Variants in CTNNA3 observed in about 807,000 individuals in gnomAD.
CTNNA3 encodes catenin alpha 3.
Under a neutral mutation model 95.7 loss-of-function variants are expected in CTNNA3, and 76 were observed. That is an observed-to-expected ratio of 0.79 (90% CI 0.66 to 0.96). The LOEUF (loss-of-function observed/expected upper bound fraction) is 0.96. Ranked by LOEUF, CTNNA3 falls within the 40% of genes least tolerant of loss-of-function variation. The pLI, the probability that CTNNA3 is intolerant of heterozygous loss-of-function variation, is 0.00. For synonymous variants in CTNNA3, 431 were observed against 374.4 expected (o/e 1.15, Z -1.74); for missense variants, 1,191 against 1,089.8 (o/e 1.09, Z -1.31).
intron 5 of CTNNA3, among the ~76,000 whole-genome samples, chr10:67,313,928 G>A (rs1589155701): frequency 6.6e-6 from 1 of 152,244 alleles, no homozygotes; most frequent in East Asian, 1.9e-4. Context: ...ATGCCAAACT[G>A]AGAAAAAGAG....
intron 7 of CTNNA3, among the ~76,000 whole-genome samples, chr10:66,976,462 T>C (rs958374315): frequency 4.6e-5 from 7 of 152,168 alleles, no homozygotes; most frequent in Non-Finnish European, 1.0e-4. Context: ...CCTTCATCTC[T>C]TTTTCTATAG....
chr10:66,977,383 C>A lies in CTNNA3; in HGVS notation c.1048-201859G>T, dbSNP rs1385636186. 4.6e-5 allele frequency among the ~76,000 whole-genome samples: 7 copies of A among 151,716 alleles called. No homozygotes were observed. In the South Asian group the frequency reaches 8.3e-4, roughly 18 times the overall value. ...CCTGGGAAGCAGAGGTTGCAGTGAGCCAAGATCACGCCACTGCACTCCAGC... is the reference window on the plus strand; with the variant it reads ...CCTGGGAAGCAGAGGTTGCAGTGAGACAAGATCACGCCACTGCACTCCAGC... On this transcript the variant is annotated intron_variant, in intron 7 of 17. Coordinates refer to ENST00000433211, the MANE Select transcript of CTNNA3 (RefSeq NM_013266.4).
intron 17 of CTNNA3, among the ~76,000 whole-genome samples, chr10:65,947,347 T>A (rs2077534544): frequency 6.6e-6 from 1 of 152,190 alleles, no homozygotes; most frequent in Non-Finnish European, 1.5e-5. Flanking sequence ...AATATATCAG[T>A]GAATAATATC....
chr10:67,434,578 TG>T (rs1846235164), intron 5 of CTNNA3, among the ~76,000 whole-genome samples: 1 of 151,912 alleles, frequency 6.6e-6, no homozygotes, highest in African/African-American at 2.4e-5. Flanking sequence ...TCCATATATG[TG>T]TGTGTCTGTG....
intron 9 of CTNNA3, among the ~76,000 whole-genome samples, chr10:66,743,459 G>A (rs557476053): frequency 6.6e-6 from 1 of 152,208 alleles, no homozygotes; most frequent in Non-Finnish European, 1.5e-5. Context: ...CTGAAAATAT[G>A]AGACTTTATC....
intron 3 of CTNNA3, among the ~76,000 whole-genome samples, chr10:67,586,103 T>C (rs1199379451): frequency 2.0e-5 from 3 of 152,168 alleles, no homozygotes; most frequent in African/African-American, 7.2e-5. Context: ...AGGAGCATAA[T>C]GTTTAATTTC....
At chr10:66,227,972 A>ACAAG (rs1296056339) in intron 13 of CTNNA3, among the ~76,000 whole-genome samples, 4 of 152,064 alleles carry the variant, frequency 2.6e-5, no homozygotes, top group African/African-American at 9.7e-5. Context: ...GTTGTTCACA[A>ACAAG]TATTCTCTTG....
chr10:67,682,440 T>C (rs1840645845), intron 1 of CTNNA3, among the ~76,000 whole-genome samples: 1 of 152,134 alleles, frequency 6.6e-6, no homozygotes, highest in Non-Finnish European at 1.5e-5. Context: ...ACTATACTTA[T>C]AATTAATTAA....
intron 1 of CTNNA3, among the ~76,000 whole-genome samples, chr10:67,681,603 G>A (rs954501164): frequency 2.0e-5 from 3 of 151,814 alleles, no homozygotes; most frequent in African/African-American, 7.3e-5. Flanking sequence ...TAACTAAGTG[G>A]AAATTTTTAT....
At chr10:66,017,170 C>A (rs994061203) in intron 15 of CTNNA3, among the ~76,000 whole-genome samples, 6 of 152,146 alleles carry the variant, frequency 3.9e-5, no homozygotes, top group African/African-American at 1.4e-4. Flanking sequence ...CTAATCATTA[C>A]AATTACATTA....
At chr10:67,273,235 C>T (rs1054343926) in intron 5 of CTNNA3, among the ~76,000 whole-genome samples, 3 of 151,580 alleles carry the variant, frequency 2.0e-5, no homozygotes, top group Non-Finnish European at 2.9e-5. Context: ...CAATAGAAAG[C>T]GGGAAAAGAT....
At chr10:67,301,894 G>A (rs11814099) in intron 5 of CTNNA3, among the ~76,000 whole-genome samples, 13,072 of 132,324 alleles carry the variant, frequency 0.099, 1,173 homozygotes, top group East Asian at 0.24. Flanking sequence ...GCGTGAACCC[G>A]GGAGGCGGAG....
intron 12 of CTNNA3, among the ~76,000 whole-genome samples, chr10:66,372,000 T>C (rs1564906311): frequency 1.3e-5 from 2 of 152,176 alleles, no homozygotes; most frequent in South Asian, 2.1e-4. Flanking sequence ...AATGTTATGA[T>C]ACTGTTAGTG....
At chr10:66,619,171 G>A (rs539904748) in intron 10 of CTNNA3, among the ~76,000 whole-genome samples, 1 of 151,342 alleles carries the variant, frequency 6.6e-6, no homozygotes, top group African/African-American at 2.4e-5. Context: ...CAGGGATCTA[G>A]AACTAGAAAT....
chr10:67,112,008 C>A (rs1858932162), intron 7 of CTNNA3, among the ~76,000 whole-genome samples: 1 of 151,852 alleles, frequency 6.6e-6, no homozygotes, highest in South Asian at 2.1e-4. Flanking sequence ...AATTTTTAGC[C>A]TCCCAAAAAA....
At chr10:66,745,425 C>G (rs1045159370) in intron 9 of CTNNA3, among the ~76,000 whole-genome samples, 5 of 152,126 alleles carry the variant, frequency 3.3e-5, no homozygotes, top group African/African-American at 1.2e-4. Context: ...TGCAGAATAT[C>G]TAAAGGACTA....
At chr10:66,468,703 C>T (rs879032028) in intron 11 of CTNNA3, among the ~76,000 whole-genome samples, 8 of 151,762 alleles carry the variant, frequency 5.3e-5, no homozygotes, top group East Asian at 1.9e-4. Context: ...ACAATGTATA[C>T]GTATATCAAA....
At chr10:66,448,120 CAAT>C (rs1564973916) in intron 11 of CTNNA3, among the ~76,000 whole-genome samples, 1 of 152,190 alleles carries the variant, frequency 6.6e-6, no homozygotes, top group East Asian at 1.9e-4. Context: ...ATCAAAACCA[CAAT>C]GAGATACCAT....
At chr10:67,670,656 TC>T (rs1002211225) in intron 1 of CTNNA3, among the ~76,000 whole-genome samples, 1 of 152,098 alleles carries the variant, frequency 6.6e-6, no homozygotes, top group African/African-American at 2.4e-5. Context: ...TCCCCCTGGG[TC>T]TTGGGTGCAC....
Sources: allele counts gnomAD v4.1 joint callset (sites outside exome capture counted in the v4.1 genomes callset), GRCh38; gene constraint gnomAD v4.1.1; transcripts MANE v1.5; gene names NCBI Gene and HGNC (gene_info 2026-07-23, HGNC 2026-07-21).